Variants in MICALL2 observed in about 807,000 individuals in gnomAD.
MICALL2 encodes the protein MICAL-like protein 2.
Under a neutral mutation model 91.1 loss-of-function variants are expected in MICALL2, and 111 were observed. The observed-to-expected ratio is 1.22, with a 90% CI of 1.04 to 1.43. The LOEUF is 1.43. Ranked by LOEUF, MICALL2 falls within the 40% of genes most tolerant of loss-of-function variation. The pLI is 0.00. For synonymous variants in MICALL2, 694 were observed against 525.3 expected (o/e 1.32, Z -4.39); for missense variants, 1,556 against 1,236.0 (o/e 1.26, Z -3.88).
intron 7 of MICALL2, chr7:1,441,913 G>T (rs774047841): frequency 7.9e-6 from 4 of 505,024 alleles, no homozygotes; most frequent in Non-Finnish European, 1.1e-5. Context: ...AGCTGAGCGG[G>T]ACGCTGCAGG....
chr7:1,444,582 T>C (rs1232934633), intron 6 of MICALL2, 70 bp downstream of exon 6: 13 of 1,470,126 alleles, frequency 8.8e-6, no homozygotes, highest in African/African-American at 4.2e-5. Flanking sequence ...CCAACCCCTC[T>C]GGCCTCCGGG....
chr7:1,442,394 C>A lies in MICALL2; in HGVS notation c.1509G>T (p.Ser503=). ...ASPLAKPLQS[S]SPRVLGLPSR... is the part of the protein sequence containing the mutation. Reference sequence around the variant, plus strand: ...AAGGGAGGCCAAGCACCCGGGGAGACGAGGACTGTAACGGCTTGGCTAAGG... The same window carrying A: ...AAGGGAGGCCAAGCACCCGGGGAGAAGAGGACTGTAACGGCTTGGCTAAGG... The change falls in exon 7 of 17, where the codon TCG becomes TCT. Residue 503 remains serine (S), a synonymous_variant. Transcript: ENST00000297508. The A allele has an allele frequency of 6.2e-7, 1 of 1,606,014 alleles. No individual in the cohort carries two copies. Among genetic ancestry groups the A allele is most frequent in the South Asian group, 1.1e-5 (1 of 90,096 alleles).
intron 8 of MICALL2, 29 bp from the exon 9 acceptor site, chr7:1,440,114 G>A (rs371243869): frequency 1.7e-5 from 26 of 1,565,352 alleles, no homozygotes; most frequent in Admixed American, 4.1e-5. Flanking sequence ...GTCGGAACCC[G>A]AACCACCAGC....
At chr7:1,450,116 G>A (rs978098924) in intron 2 of MICALL2, 124 bp downstream of exon 2, 17 of 751,336 alleles carry the variant, frequency 2.3e-5, no homozygotes, top group African/African-American at 7.0e-5. Context: ...GGGAGCCCCC[G>A]ATTCCCAGGC....
chr7:1,437,737 C>A, intron 13 of MICALL2, 129 bp from the exon 14 acceptor site: 1 of 1,246,996 alleles, frequency 8.0e-7, no homozygotes, highest in Non-Finnish European at 1.1e-6. Context: ...CCGCCCGTCC[C>A]CCGCCTGGCC....
chr7:1,440,420 C>G, intron 8 of MICALL2, 171 bp downstream of exon 8: 1 of 676,886 alleles, frequency 1.5e-6, no homozygotes. Flanking sequence ...GCCCCCAAAC[C>G]AGGGACAGCG....
chr7:1,439,175 T>A, intron 9 of MICALL2, 180 bp from the exon 10 acceptor site: 1 of 579,584 alleles, frequency 1.7e-6, no homozygotes, highest in South Asian at 2.2e-5. Context: ...AACCTGGCCA[T>A]GTCTCCCCAG....
rs370932277 is a variant in MICALL2 at position 1,435,345 on chromosome 7, G to A, written c.2592-198C>T. Among the ~76,000 whole-genome samples the A allele has an allele frequency of 1.4e-4, 22 of 152,258 alleles. 1 individual carries two copies. Among genetic ancestry groups the A allele is most frequent in the African/African-American group, 4.3e-4 (18 of 41,522 alleles). On this transcript the variant is annotated intron_variant, in intron 15 of 16. Transcript: ENST00000297508. ...AAGTCCCTGCCCTCTTCCAGAGCCA[G>A]CCCCTCAACAGTGACATGGTACAGG...
chr7:1,446,356 G>A (rs1439908229), intron 5 of MICALL2, among the ~76,000 whole-genome samples: 2 of 860 alleles, frequency 2.3e-3, no homozygotes, highest in Admixed American at 5.7e-3. Context: ...GGGGGGAGGA[G>A]GGAGAGGAGG....
Position 1,438,119 on chromosome 7 carries a change from C to T in MICALL2, c.2289G>A (p.Lys763=). The change falls in exon 12 of 17, where the codon AAG becomes AAA. Residue 763 remains lysine (K), a synonymous_variant. Coordinates refer to ENST00000297508, the MANE Select transcript of MICALL2 (RefSeq NM_182924.4). The part of the protein sequence containing the change: ...ALELRGVELE[K]RLRAAEGDDA... ...CACCTCCCTCGGCCGCCCGCAGTCGCTTCTCCAGCTCCACGCCGCGGAGCT... is the reference window on the plus strand; with the variant it reads ...CACCTCCCTCGGCCGCCCGCAGTCGTTTCTCCAGCTCCACGCCGCGGAGCT... 1.3e-6 allele frequency: 2 copies of T among 1,563,802 alleles called. No homozygotes were observed. The highest frequency in any genetic ancestry group is 1.7e-6 in the Non-Finnish European group (2 of 1,154,980).
Position 1,459,353 on chromosome 7 carries a change from G to T in MICALL2, c.-27C>A. The T allele has an allele frequency of 2.8e-6, 4 of 1,442,384 alleles. No individual in the cohort carries two copies. Among genetic ancestry groups the T allele is most frequent in the Non-Finnish European group, 3.7e-6 (4 of 1,092,968 alleles). The allele number at this position is 1,442,384 out of a possible 1,614,324, so 89.3% of individuals were successfully genotyped here. ...TGGGCGGCGCGCCCGCCGCGCGGCGGAACCGCCCTCCGACACCTTCCCGCG... is the reference window on the plus strand; with the variant it reads ...TGGGCGGCGCGCCCGCCGCGCGGCGTAACCGCCCTCCGACACCTTCCCGCG... On this transcript the variant is annotated 5_prime_UTR_variant, in exon 1 of 17. Transcript: ENST00000297508.
intron 15 of MICALL2, among the ~76,000 whole-genome samples, chr7:1,435,383 C>T (rs1172437785): frequency 6.8e-6 from 1 of 147,780 alleles, no homozygotes. Context: ...GGCCCTGGGC[C>T]GACCACACAG....
Position 1,445,152 on chromosome 7 carries a change from AGGGTTGGGTGCAGCTGGAAC to A in MICALL2, c.898_917del (p.Val300CysfsTer18). ...GGACGGACGTGGCGCTGGTGGCTGC[AGGGTTGGGTGCAGCTGGAAC>A]GGAAGCCCTGGCAGGCGAGTTGCCC... On this transcript the variant is annotated frameshift_variant, in exon 6 of 17. Coordinates refer to ENST00000297508, the MANE Select transcript of MICALL2 (RefSeq NM_182924.4). LOFTEE classifies it high-confidence loss of function. The A allele has an allele frequency of 6.4e-7, 1 of 1,574,456 alleles. No homozygotes were observed. Among genetic ancestry groups the A allele is most frequent in the Non-Finnish European group, 8.6e-7 (1 of 1,161,070 alleles).
intron 13 of MICALL2, 54 bp from the exon 14 acceptor site, chr7:1,437,662 G>A (rs1780040234): frequency 6.6e-7 from 1 of 1,511,966 alleles, no homozygotes; most frequent in Non-Finnish European, 8.9e-7. Flanking sequence ...TCCCCCGCCT[G>A]GCCCGCCCAG....
intron 1 of MICALL2, 147 bp downstream of exon 1, chr7:1,459,037 A>T: frequency 1.3e-6 from 1 of 770,416 alleles, no homozygotes; most frequent in Non-Finnish European, 2.0e-6. Context: ...CACTGAGGAC[A>T]GCCTCGGGGG....
chr7:1,453,191 C>T lies in MICALL2; in HGVS notation c.144-2903G>A, dbSNP rs28497629. On this transcript the variant is annotated intron_variant, in intron 1 of 16. Transcript: ENST00000297508. The stretch of plus-strand genomic sequence containing the variant: ...ATTGGAGCCCTAACCTCCAATTCCA[C>T]CACGTGACCTTATTTGGAGACAGGG... Among the ~76,000 whole-genome samples the T allele has an allele frequency of 2.2e-3, 339 of 152,220 alleles. 1 individual carries two copies. Among genetic ancestry groups the T allele is most frequent in the African/African-American group, 7.7e-3 (321 of 41,532 alleles).
rs374962210 is a variant in MICALL2, at chr7:1,449,199, A to G, written c.193-438T>C. On this transcript the variant is annotated intron_variant, in intron 2 of 16. Transcript: ENST00000297508. ...CAGGTGAGGGCCGCTAGAGGCTGAG[A>G]CAGGGACTCGACAGCCCACGCCGTC... Among the ~76,000 whole-genome samples, 5 of 152,212 alleles carry G rather than the reference A, an allele frequency of 3.3e-5. No homozygotes were observed. The South Asian group carries it at 6.2e-4, about 19-fold the overall frequency.
intron 7 of MICALL2, 77 bp from the exon 8 acceptor site, chr7:1,440,761 C>T (rs1422147513): frequency 1.9e-5 from 24 of 1,245,678 alleles, no homozygotes; most frequent in Non-Finnish European, 2.8e-5. Context: ...GCTGTGCCTC[C>T]CCCTGCCATC....
rs371243869 is a variant in MICALL2, at chr7:1,440,114, G to C, written c.1806-29C>G. Reference sequence around the variant, plus strand: ...GGCAGAAGGCATGAGGTCGGAACCCGAACCACCAGCCCCAGGGCCTGGCCC... The same window carrying C: ...GGCAGAAGGCATGAGGTCGGAACCCCAACCACCAGCCCCAGGGCCTGGCCC... On this transcript the variant is annotated intron_variant, in intron 8 of 16. Coordinates refer to ENST00000297508, the MANE Select transcript of MICALL2 (RefSeq NM_182924.4). 3.6e-5 allele frequency: 57 copies of C among 1,565,274 alleles called. No individual in the cohort carries two copies. In the African/African-American group the frequency reaches 8.3e-4, roughly 23 times the overall value.
Sources: gnomAD v4.1 joint callset for allele counts (sites outside exome capture counted in the v4.1 genomes callset) on GRCh38, gnomAD v4.1.1 for gene constraint, MANE v1.5 for transcripts, NCBI Gene and HGNC (gene_info 2026-07-23, HGNC 2026-07-21) for gene names.